The following CDC14B variants were observed in gnomAD, a reference collection of about 807,000 sequenced individuals.
CDC14B encodes the protein dual specificity protein phosphatase CDC14B.
CDC14B carries 22 observed loss-of-function variants against 64.2 expected under a neutral mutation model. The ratio of observed to expected loss-of-function variants is 0.34; its 90% CI spans 0.24 to 0.49. The LOEUF (loss-of-function observed/expected upper bound fraction) is 0.49. Ranked by LOEUF, CDC14B falls within the 20% of genes least tolerant of loss-of-function variation. CDC14B has a pLI of 0.99. For missense variants in CDC14B, 498 were observed against 629.9 expected (o/e 0.79, Z 2.24); for synonymous variants, 191 against 215.8 (o/e 0.89, Z 1.01).
chr9:96,540,826 G>A (rs1346036433), intron 6 of CDC14B, among the ~76,000 whole-genome samples: 1 of 152,104 alleles, frequency 6.6e-6, no homozygotes. Flanking sequence ...TGCCCACACT[G>A]AGGGCCCATG....
downstream of CDC14B, among the ~76,000 whole-genome samples, chr9:96,498,844 G>A (rs756267548): frequency 1.3e-5 from 2 of 152,220 alleles, no homozygotes; most frequent in Admixed American, 6.5e-5. Flanking sequence ...AGCAAATCCC[G>A]CACAAGGTGG....
chr9:96,534,129 A>G lies in CDC14B; in HGVS notation c.744T>C (p.Tyr248=). ...CATTGTGATTCTTAAAATATTGAATATAAGTCTCAGGAGAATGTTGGTGGT... is the reference window on the plus strand; with the variant it reads ...CATTGTGATTCTTAAAATATTGAATGTAAGTCTCAGGAGAATGTTGGTGGT... ...SGYHQHSPET[Y]IQYFKNHNVT... Residue 248 remains tyrosine (Y), a synonymous_variant, in exon 9 of 14, where the codon TAT becomes TAC. Transcript: ENST00000375241. 1.9e-6 allele frequency: 3 copies of G among 1,608,390 alleles called. No individual in the cohort carries two copies. Among genetic ancestry groups the G allele is most frequent in the Non-Finnish European group, 2.6e-6 (3 of 1,175,792 alleles).
chr9:96,505,276 A>G (rs1361203929), intron 13 of CDC14B, among the ~76,000 whole-genome samples: 1 of 152,020 alleles, frequency 6.6e-6, no homozygotes, highest in African/African-American at 2.4e-5. Flanking sequence ...AGCACTCCAG[A>G]GCCCCGGACC....
chr9:96,541,520 G>A (rs1329656303), intron 6 of CDC14B, among the ~76,000 whole-genome samples: 2 of 152,180 alleles, frequency 1.3e-5, no homozygotes, highest in African/African-American at 4.8e-5. Flanking sequence ...CTTTACTTTT[G>A]TTCTTTTAGA....
intron 12 of CDC14B, among the ~76,000 whole-genome samples, chr9:96,517,692 G>T (rs1267990143): frequency 6.8e-6 from 1 of 147,904 alleles, no homozygotes. Flanking sequence ...AGAAACAGGG[G>T]TCTTGCTCTG....
chr9:96,542,419 G>A (rs1840187654), intron 5 of CDC14B, among the ~76,000 whole-genome samples: 1 of 152,122 alleles, frequency 6.6e-6, no homozygotes, highest in Non-Finnish European at 1.5e-5. Flanking sequence ...AAAATATTAG[G>A]TAGAAGGTCA....
chr9:96,607,691 G>T (rs1564392178), intron 1 of CDC14B, among the ~76,000 whole-genome samples: 1 of 152,118 alleles, frequency 6.6e-6, no homozygotes, highest in Non-Finnish European at 1.5e-5. Context: ...CCAAAGTGCT[G>T]GGATTACAGG....
intron 1 of CDC14B, among the ~76,000 whole-genome samples, chr9:96,579,500 G>A (rs1039422472): frequency 6.6e-6 from 1 of 151,828 alleles, no homozygotes; most frequent in Non-Finnish European, 1.5e-5. Context: ...GCAGGAGAAC[G>A]GCCTGAACCC....
At chr9:96,586,942 G>A (rs1277368806) in intron 1 of CDC14B, among the ~76,000 whole-genome samples, 1 of 152,052 alleles carries the variant, frequency 6.6e-6, no homozygotes, top group Non-Finnish European at 1.5e-5. Flanking sequence ...GGAGGCTGAG[G>A]TGGGCAGATC....
At chr9:96,588,620 G>A (rs1440604002) in intron 1 of CDC14B, among the ~76,000 whole-genome samples, 1 of 152,052 alleles carries the variant, frequency 6.6e-6, no homozygotes, top group East Asian at 1.9e-4. Context: ...CCAAGTTGCT[G>A]GGACCACAGG....
chr9:96,586,021 T>C (rs1564373381), intron 1 of CDC14B, among the ~76,000 whole-genome samples: 1 of 152,182 alleles, frequency 6.6e-6, no homozygotes, highest in Non-Finnish European at 1.5e-5. Flanking sequence ...AACTAATCTA[T>C]AGTGACAGAA....
At chr9:96,514,586 G>A (rs892570771) in intron 12 of CDC14B, 4 of 985,264 alleles carry the variant, frequency 4.1e-6, no homozygotes, top group Non-Finnish European at 4.8e-6. Context: ...AAACCACAAA[G>A]TACCAGAGTT....
intron 1 of CDC14B, among the ~76,000 whole-genome samples, chr9:96,611,311 G>A (rs1162878219): frequency 6.6e-6 from 1 of 152,200 alleles, no homozygotes; most frequent in African/African-American, 2.4e-5. Context: ...AAATGAAATA[G>A]TGGAAAGAAA....
At chr9:96,571,465 C>T (rs112521977) in intron 1 of CDC14B, among the ~76,000 whole-genome samples, 2 of 152,066 alleles carry the variant, frequency 1.3e-5, no homozygotes, top group Admixed American at 6.6e-5. Flanking sequence ...TGAGCCACCT[C>T]GCCTGGGCTA....
intron 1 of CDC14B, among the ~76,000 whole-genome samples, chr9:96,588,963 T>C (rs16911376): frequency 0.033 from 5,051 of 152,294 alleles, 207 homozygotes; most frequent in South Asian, 0.22. Context: ...ATAGTTATCA[T>C]AGACAAAATA....
At position 96,501,817 on chromosome 9, in the gene CDC14B, A is replaced by C. The variant is rs978719300; in HGVS notation, c.*1936T>G. The C allele has an allele frequency of 6.6e-6, 1 of 152,076 alleles. No homozygotes were observed. The highest frequency in any genetic ancestry group is 1.5e-5 in the Non-Finnish European group (1 of 68,032). 9.4% of individuals were successfully genotyped at this position (152,076 alleles called of 1,614,324 possible). A position where few individuals can be genotyped will look rare whatever the true frequency, so the allele number is the denominator to read the frequency against. On this transcript the variant is annotated 3_prime_UTR_variant, in exon 14 of 14. Coordinates refer to ENST00000375241, the MANE Select transcript of CDC14B (RefSeq NM_033331.4). ...AGGAGGCTCATTCACCGTGAGGGAG[A>C]CAGTACTCACAAGAGCTGTGGCGCC...
intron 12 of CDC14B, among the ~76,000 whole-genome samples, chr9:96,513,059 T>C (rs113532671): frequency 0.015 from 2,228 of 152,322 alleles, 51 homozygotes; most frequent in African/African-American, 0.05. Context: ...TACTGCTAAA[T>C]CCTGTAGTCA....
At chr9:96,546,708 C>G (rs1216518950) in intron 5 of CDC14B, among the ~76,000 whole-genome samples, 2 of 151,952 alleles carry the variant, frequency 1.3e-5, no homozygotes, top group African/African-American at 4.8e-5. Context: ...CCTCAGCCTC[C>G]CAAAGTGGCA....
chr9:96,547,627 T>C (rs1841142354), intron 5 of CDC14B, among the ~76,000 whole-genome samples: 1 of 152,038 alleles, frequency 6.6e-6, no homozygotes. Context: ...CTAATTTTTT[T>C]TTCCCCAAAG....
Sources: gnomAD v4.1 joint callset for allele counts (sites outside exome capture counted in the v4.1 genomes callset) on GRCh38, gnomAD v4.1.1 for gene constraint, MANE v1.5 for transcripts, NCBI Gene and HGNC (gene_info 2026-07-23, HGNC 2026-07-21) for gene names.